NEGR1: variants seen among roughly 807,000 people sequenced by gnomAD.
NEGR1 encodes the protein IgLON family member 4.
NEGR1 carries 10 observed loss-of-function variants against 40.9 expected under a neutral mutation model. The ratio of observed to expected loss-of-function variants is 0.24; its 90% CI spans 0.15 to 0.42. NEGR1 has a LOEUF of 0.42. Among genes scored for constraint, NEGR1 ranks in the 10% least tolerant of loss-of-function variants. NEGR1 has a pLI of 1.00. For missense variants in NEGR1, 352 were observed against 438.9 expected, an observed-to-expected ratio of 0.80 and a Z score of 1.77; for synonymous variants, 185 against 166.8, an observed-to-expected ratio of 1.11 and a Z score of -0.84.
chr1:71,999,654 T>C (rs201642157), intron 1 of NEGR1, among the ~76,000 whole-genome samples: 5 of 46,840 alleles, frequency 1.1e-4, no homozygotes, highest in East Asian at 2.0e-3. Flanking sequence ...TATATATATA[T>C]ATATATATAT....
rs1417024212 is a variant in NEGR1 at position 71,407,599 on chromosome 1, A to G, written c.941-29T>C. The G allele has an allele frequency of 6.8e-6, 11 of 1,608,322 alleles. No individual in the cohort carries two copies. The East Asian group carries it at 2.2e-4, about 33-fold the overall frequency. ...GAAAGAAATGGAAAAGATTAAATCAAAATCTAATTTGTGTCTTCCAGGATC... is the reference window on the plus strand; with the variant it reads ...GAAAGAAATGGAAAAGATTAAATCAGAATCTAATTTGTGTCTTCCAGGATC... On this transcript the variant is annotated intron_variant, in intron 6 of 6. Transcript: ENST00000357731.
chr1:72,003,127 A>T (rs1183402574), intron 1 of NEGR1, among the ~76,000 whole-genome samples: 1 of 152,146 alleles, frequency 6.6e-6, no homozygotes, highest in Non-Finnish European at 1.5e-5. Context: ...TCACTTCCTT[A>T]GTAACTTTCT....
In NEGR1 at chr1:72,282,407, A is replaced by T. The variant is rs746827197; in HGVS notation, c.88T>A (p.Ser30Thr). 1.2e-6 allele frequency: 2 copies of T among 1,613,854 alleles called. No individual in the cohort carries two copies. The highest frequency in any genetic ancestry group is 3.3e-5 in the Admixed American group (2 of 59,982). The change falls in exon 1 of 7, where the codon TCC becomes ACC. Residue 30 changes from serine to threonine, a missense_variant. Physicochemically the swap from Ser to Thr is moderately conservative, Grantham distance 58 (BLOSUM62 1). This residue lies in a region of NEGR1 where 81 missense variants were observed against 85.8 expected (regional missense o/e 0.94). Coordinates refer to ENST00000357731, the MANE Select transcript of NEGR1 (RefSeq NM_173808.3). ...ACACTCTGTCCAGCCGGGAGGCAGG[A>T]GGGTAGCAGGCAGCACAGGCTGAGG... Reference protein sequence around the residue: ...VLLSLCCLLPSCLPAGQSVDF... With the variant: ...VLLSLCCLLPTCLPAGQSVDF...
At chr1:71,761,227 C>CT (rs1424132900) in intron 3 of NEGR1, among the ~76,000 whole-genome samples, 5 of 152,148 alleles carry the variant, frequency 3.3e-5, no homozygotes, top group Admixed American at 6.5e-5. Context: ...TTAGGCTTTG[C>CT]TGTCCATATA....
chr1:72,214,995 T>A (rs1653747602), intron 1 of NEGR1, among the ~76,000 whole-genome samples: 1 of 152,076 alleles, frequency 6.6e-6, no homozygotes, highest in Non-Finnish European at 1.5e-5. Context: ...CAAAACAGCA[T>A]GGTACTCGTA....
At chr1:71,849,447 G>A (rs1217440741) in intron 2 of NEGR1, among the ~76,000 whole-genome samples, 2 of 152,032 alleles carry the variant, frequency 1.3e-5, no homozygotes, top group African/African-American at 2.4e-5. Flanking sequence ...TTACTGTTAC[G>A]GATGAATAAA....
chr1:72,274,302 C>G (rs1655962019), intron 1 of NEGR1, among the ~76,000 whole-genome samples: 1 of 151,990 alleles, frequency 6.6e-6, no homozygotes, highest in Non-Finnish European at 1.5e-5. Context: ...AAACTTGTGG[C>G]TAGGCTATTT....
At chr1:72,166,215 A>T (rs1651759841) in intron 1 of NEGR1, among the ~76,000 whole-genome samples, 1 of 152,072 alleles carries the variant, frequency 6.6e-6, no homozygotes, top group Non-Finnish European at 1.5e-5. Flanking sequence ...TTTTACTGCC[A>T]AGTTTCAGGT....
Position 71,819,427 on chromosome 1 carries a change from G to A in NEGR1, c.410-43130C>T, listed in dbSNP as rs72948065. 3.7e-3 allele frequency among the ~76,000 whole-genome samples: 557 copies of A among 151,970 alleles called. 1 individual carries two copies. Among genetic ancestry groups the A allele is most frequent in the African/African-American group, 0.013 (527 of 41,504 alleles). ...CTATTTAATATCCTTAGAGAGGTTC[G>A]AGAAGGGTTTGTATCTGTAAAATAA... is the stretch of plus-strand genomic sequence containing the variant. On this transcript the variant is annotated intron_variant, in intron 2 of 6. Transcript: ENST00000357731.
At chr1:72,219,946 C>A (rs549255521) in intron 1 of NEGR1, among the ~76,000 whole-genome samples, 1 of 152,104 alleles carries the variant, frequency 6.6e-6, no homozygotes, top group Admixed American at 6.6e-5. Flanking sequence ...TACAGATACA[C>A]TATTTTTACT....
intron 5 of NEGR1, among the ~76,000 whole-genome samples, chr1:71,608,309 T>C (rs1442102407): frequency 6.6e-6 from 1 of 152,152 alleles, no homozygotes; most frequent in Non-Finnish European, 1.5e-5. Flanking sequence ...GGACATTGAT[T>C]GGGGAAAATC....
At chr1:71,573,715 T>C (rs1378908837) in intron 6 of NEGR1, among the ~76,000 whole-genome samples, 1 of 152,230 alleles carries the variant, frequency 6.6e-6, no homozygotes, top group Non-Finnish European at 1.5e-5. Context: ...TAGTCTCTTA[T>C]ATTTTTTAGA....
chr1:71,777,138 C>A (rs1656541149), intron 2 of NEGR1, among the ~76,000 whole-genome samples: 1 of 151,954 alleles, frequency 6.6e-6, no homozygotes, highest in African/African-American at 2.4e-5. Context: ...TTTCTATATT[C>A]TTTGAGAAAC....
intron 1 of NEGR1, among the ~76,000 whole-genome samples, chr1:72,207,953 G>C (rs1481161555): frequency 6.6e-6 from 1 of 151,606 alleles, no homozygotes; most frequent in East Asian, 1.9e-4. Context: ...ACTGATAAAG[G>C]TGACGATTTA....
At chr1:71,882,037 T>C (rs1455692848) in intron 2 of NEGR1, among the ~76,000 whole-genome samples, 1 of 152,126 alleles carries the variant, frequency 6.6e-6, no homozygotes, top group Non-Finnish European at 1.5e-5. Flanking sequence ...TTCATATTAA[T>C]ACAGTTTGGG....
chr1:72,099,772 T>G (rs1187334234), intron 1 of NEGR1, among the ~76,000 whole-genome samples: 1 of 151,940 alleles, frequency 6.6e-6, no homozygotes, highest in African/African-American at 2.4e-5. Context: ...TTTAAACATG[T>G]TCTACATAAA....
chr1:71,852,659 T>A (rs1190994390), intron 2 of NEGR1, among the ~76,000 whole-genome samples: 5 of 152,042 alleles, frequency 3.3e-5, no homozygotes, highest in African/African-American at 1.2e-4. Context: ...ACAGATATTT[T>A]CAGGAGTATT....
intron 1 of NEGR1, among the ~76,000 whole-genome samples, chr1:72,208,327 G>A (rs903790891): frequency 6.6e-6 from 1 of 151,656 alleles, no homozygotes; most frequent in African/African-American, 2.4e-5. Flanking sequence ...TTAGTTTTAT[G>A]CCAATGCATT....
chr1:71,493,612 C>T (rs905355564), intron 6 of NEGR1, among the ~76,000 whole-genome samples: 5 of 152,118 alleles, frequency 3.3e-5, no homozygotes, highest in African/African-American at 9.7e-5. Flanking sequence ...TTTTAGACCA[C>T]AATATCTTGA....
Sources: gnomAD v4.1 joint callset for allele counts (sites outside exome capture counted in the v4.1 genomes callset) on GRCh38, gnomAD v4.1.1 for gene constraint, gnomAD v4.1.1 regional missense constraint, MANE v1.5 for transcripts, NCBI Gene and HGNC (gene_info 2026-07-23, HGNC 2026-07-21) for gene names.